The following KDR variants were observed in gnomAD, a reference collection of about 807,000 sequenced individuals.
KDR encodes the protein vascular endothelial growth factor receptor 2.
A neutral mutation model predicts 160.9 loss-of-function variants in KDR; 43 were observed. That is an observed-to-expected ratio of 0.27 (90% confidence interval 0.21 to 0.34). The LOEUF (loss-of-function observed/expected upper bound fraction) is 0.34, where lower values mean the gene tolerates loss of function less well. Among genes scored for constraint, KDR ranks in the 10% least tolerant of loss-of-function variants. The pLI is 1.00. For missense variants in KDR, 1,469 were observed against 1,666.4 expected, an observed-to-expected ratio of 0.88 and a Z score of 2.06; for synonymous variants, 617 against 600.1, an observed-to-expected ratio of 1.03 and a Z score of -0.41.
intron 25 of KDR, 48 bp downstream of exon 25, chr4:55,089,326 A>C (rs1159983885): frequency 7.3e-7 from 1 of 1,376,680 alleles, no homozygotes; most frequent in Non-Finnish European, 1.0e-6. Context: ...GGCAAGGAGA[A>C]TTTGCGAGCA....
In KDR at chr4:55,104,850, G is replaced by C. The variant is rs369310569; in HGVS notation, c.1780C>G (p.His594Asp). The C allele has an allele frequency of 2.5e-6, 4 of 1,613,834 alleles. No individual in the cohort carries two copies. Among genetic ancestry groups the C allele is most frequent in the African/African-American group, 2.7e-5 (2 of 74,900 alleles). The change falls in exon 13 of 30, where the codon CAT becomes GAT. Residue 594 changes from histidine to aspartate, a missense_variant. This residue lies in a region of KDR where 792 missense variants were observed against 840.9 expected (regional missense o/e 0.94). Transcript: ENST00000263923. ...ACAGGTGTGGGCAACTCTCCCACAT[G>C]GATTGGCAGAGGCTGTGGGCCAAGC... is the stretch of plus-strand genomic sequence containing the variant. ...YKLGPQPLPI[H>D]VGELPTPVCK... is the part of the protein sequence containing the mutation.
intron 12 of KDR, 48 bp downstream of exon 12, chr4:55,105,784 C>A: frequency 9.1e-7 from 1 of 1,097,416 alleles, no homozygotes; most frequent in East Asian, 2.3e-5. Context: ...TAGCTTAGTA[C>A]CCACTGTGTG....
chr4:55,085,004 A>G (rs1031899840), intron 27 of KDR, among the ~76,000 whole-genome samples: 2 of 152,224 alleles, frequency 1.3e-5, no homozygotes, highest in African/African-American at 4.8e-5. Flanking sequence ...CCATTTAATC[A>G]TCCCTAACAA....
intron 4 of KDR, 63 bp downstream of exon 4, chr4:55,115,218 C>T (rs1720702958): frequency 2.1e-6 from 3 of 1,411,746 alleles, no homozygotes; most frequent in Non-Finnish European, 2.0e-6. Context: ...AACAGGTTAC[C>T]CATCTTAATA....
chr4:55,118,452 A>G, intron 3 of KDR, 152 bp downstream of exon 3: 1 of 693,212 alleles, frequency 1.4e-6, no homozygotes, highest in Non-Finnish European at 2.6e-6. Flanking sequence ...CTTATTTCTC[A>G]GAGAAAGCCT....
At chr4:55,121,501 C>CCTTCATCTG (rs1475907679) in intron 1 of KDR, among the ~76,000 whole-genome samples, 1 of 152,186 alleles carries the variant, frequency 6.6e-6, no homozygotes, top group African/African-American at 2.4e-5. Context: ...ACCAAATGAA[C>CCTTCATCTG]CTTCATCTGA....
intron 7 of KDR, 133 bp downstream of exon 7, chr4:55,113,171 A>G: frequency 1.1e-6 from 1 of 936,052 alleles, no homozygotes; most frequent in Admixed American, 1.9e-5. Flanking sequence ...CCTCTAGGTC[A>G]TGTGGCCTCC....
intron 28 of KDR, 71 bp from the exon 29 acceptor site, chr4:55,082,112 T>A: frequency 9.4e-7 from 1 of 1,063,824 alleles, no homozygotes; most frequent in Non-Finnish European, 1.5e-6. Context: ...ATTAAGCTGA[T>A]TTCTCAACCC....
chr4:55,117,368 G>A (rs80190197), intron 3 of KDR, among the ~76,000 whole-genome samples: 8 of 152,174 alleles, frequency 5.3e-5, no homozygotes, highest in African/African-American at 9.7e-5. Flanking sequence ...TCTTCTGACC[G>A]AGCTGCATCT....
intron 15 of KDR, among the ~76,000 whole-genome samples, chr4:55,101,148 G>C (rs1209675580): frequency 6.6e-6 from 1 of 152,084 alleles, no homozygotes; most frequent in Non-Finnish European, 1.5e-5. Flanking sequence ...GCCATGATTA[G>C]GCAGCAATTC....
At chr4:55,099,521 A>G (rs1171237853) in intron 15 of KDR, among the ~76,000 whole-genome samples, 1 of 152,220 alleles carries the variant, frequency 6.6e-6, no homozygotes, top group African/African-American at 2.4e-5. Flanking sequence ...CTATTTGAGG[A>G]AAACAAAAGT....
Position 55,090,058 on chromosome 4 carries a change from C to T in KDR, c.3090G>A (p.Ala1030=), listed in dbSNP as rs36114464. The change falls in exon 23 of 30, where the codon GCG becomes GCA. Residue 1030 remains alanine (A), a synonymous_variant. Transcript: ENST00000263923. The stretch of plus-strand genomic sequence containing the variant: ...TCTCCGATAAGAGGATATTTCGTGC[C>T]GCCAGGTCCCTGTGGATACACTGCA... ...ASRKCIHRDL[A]ARNILLSEKN... 3,255 of 1,613,994 alleles carry T rather than the reference C, an allele frequency of 2.0e-3. 62 individuals carry two copies. In the African/African-American group the frequency reaches 0.036, roughly 18 times the overall value.
At chr4:55,113,521 A>C in intron 6 of KDR, 40 bp from the exon 7 acceptor site, 1 of 1,559,886 alleles carries the variant, frequency 6.4e-7, no homozygotes, top group African/African-American at 1.4e-5. Flanking sequence ...AGCACAGCAT[A>C]TAACATTACC....
intron 9 of KDR, among the ~76,000 whole-genome samples, chr4:55,109,330 G>A (rs374096406): frequency 9.9e-5 from 15 of 152,036 alleles, no homozygotes; most frequent in East Asian, 3.9e-4. Context: ...TGATCCATCC[G>A]CCTCGGCCTC....
intron 1 of KDR, among the ~76,000 whole-genome samples, chr4:55,124,553 A>T (rs1197278961): frequency 6.6e-6 from 1 of 152,184 alleles, no homozygotes; most frequent in East Asian, 1.9e-4. Flanking sequence ...TACGCAGGAC[A>T]GTTGGCTGTT....
At chr4:55,086,642 T>C (rs1482415040) in intron 27 of KDR, among the ~76,000 whole-genome samples, 2 of 152,226 alleles carry the variant, frequency 1.3e-5, no homozygotes, top group African/African-American at 2.4e-5. Flanking sequence ...AATGGAACGG[T>C]CAGCTGTCTT....
chr4:55,103,791 A>G (rs1265306362), intron 13 of KDR, among the ~76,000 whole-genome samples: 2 of 151,978 alleles, frequency 1.3e-5, no homozygotes, highest in Non-Finnish European at 2.9e-5. Flanking sequence ...AAAAAAAAAC[A>G]GAGGGCACAT....
chr4:55,122,462 A>ACGAAGTATGAGTAGG (rs1560525934), intron 1 of KDR, among the ~76,000 whole-genome samples: 1 of 152,198 alleles, frequency 6.6e-6, no homozygotes, highest in Non-Finnish European at 1.5e-5. Flanking sequence ...AGAGAGTATG[A>ACGAAGTATGAGTAGG]ACAAATAGGA....
At position 55,115,531 on chromosome 4, in the gene KDR, C is replaced by T. The variant is rs568416151; in HGVS notation, c.359-120G>A. 3 of 656,116 alleles carry T rather than the reference C, an allele frequency of 4.6e-6. No homozygotes were observed. In the South Asian group the frequency reaches 5.3e-5, roughly 12 times the overall value. The allele number at this position is 656,116 out of a possible 1,614,324, so 40.6% of individuals were successfully genotyped here. A position where few individuals can be genotyped will look rare whatever the true frequency, so the allele number is the denominator to read the frequency against. Reference sequence around the variant, plus strand: ...TGACTGGAAGGGACACCTCACACAACCAAAGGCATCCACAGATTATTCTGC... The same window carrying T: ...TGACTGGAAGGGACACCTCACACAATCAAAGGCATCCACAGATTATTCTGC... On this transcript the variant is annotated intron_variant, in intron 3 of 29. Transcript: ENST00000263923.
Sources: allele counts gnomAD v4.1 joint callset (sites outside exome capture counted in the v4.1 genomes callset), GRCh38; gene constraint gnomAD v4.1.1; regional missense constraint gnomAD v4.1.1; transcripts MANE v1.5; gene names NCBI Gene and HGNC (gene_info 2026-07-23, HGNC 2026-07-21).